The following GPATCH1 variants were observed in gnomAD, a reference collection of about 807,000 sequenced individuals.
The protein encoded by GPATCH1 is G-patch domain containing 1, also known as G patch domain-containing protein 1.
GPATCH1 carries 73 observed loss-of-function variants against 114.9 expected under a neutral mutation model. The ratio of observed to expected loss-of-function variants is 0.64; its 90% CI spans 0.53 to 0.77. The LOEUF is 0.77. Among genes scored for constraint, GPATCH1 ranks in the 30% least tolerant of loss-of-function variants. The pLI is 0.00. For synonymous variants in GPATCH1, 391 were observed against 428.4 expected (o/e 0.91, Z 1.08); for missense variants, 1,058 against 1,144.3 (o/e 0.92, Z 1.09).
intron 1 of GPATCH1, among the ~76,000 whole-genome samples, chr19:33,085,199 C>T (rs912585745): frequency 6.6e-6 from 1 of 152,092 alleles, no homozygotes; most frequent in Non-Finnish European, 1.5e-5. Flanking sequence ...GCTTGCATGG[C>T]AAGGCCCTCA....
intron 17 of GPATCH1, among the ~76,000 whole-genome samples, chr19:33,122,833 G>A (rs184223784): frequency 6.6e-6 from 1 of 151,934 alleles, no homozygotes; most frequent in East Asian, 1.9e-4. Context: ...GGAAAGCTGA[G>A]GTGGGAAAAT....
intron 9 of GPATCH1, among the ~76,000 whole-genome samples, 174 bp from the exon 10 acceptor site, chr19:33,106,521 C>T (rs1408268092): frequency 6.6e-6 from 1 of 152,004 alleles, no homozygotes; most frequent in Non-Finnish European, 1.5e-5. Context: ...CCCTCCAGGT[C>T]CAGAGGGGAT....
At chr19:33,101,968 A>G (rs890244709) in intron 9 of GPATCH1, among the ~76,000 whole-genome samples, 5 of 151,242 alleles carry the variant, frequency 3.3e-5, no homozygotes, top group Admixed American at 6.6e-5. Context: ...GGTGGAGGTT[A>G]CAGTGAGCCA....
chr19:33,108,137 C>T (rs1225690669), intron 10 of GPATCH1, among the ~76,000 whole-genome samples: 2 of 152,088 alleles, frequency 1.3e-5, no homozygotes, highest in African/African-American at 4.8e-5. Flanking sequence ...TCTGCATTTC[C>T]GTGGCCTCCC....
intron 1 of GPATCH1, among the ~76,000 whole-genome samples, chr19:33,087,787 G>A (rs1032030956): frequency 6.6e-6 from 1 of 151,186 alleles, no homozygotes; most frequent in African/African-American, 2.4e-5. Context: ...GGGTTCAAGC[G>A]ATTCTCCTGC....
At chr19:33,121,944 A>G (rs1264814998) in intron 17 of GPATCH1, among the ~76,000 whole-genome samples, 1 of 152,230 alleles carries the variant, frequency 6.6e-6, no homozygotes, top group Non-Finnish European at 1.5e-5. Context: ...TAAAAAGCAG[A>G]GAAAAAAAGT....
At chr19:33,126,293 A>G (rs1305232495) in intron 18 of GPATCH1, among the ~76,000 whole-genome samples, 3 of 152,190 alleles carry the variant, frequency 2.0e-5, no homozygotes, top group East Asian at 3.9e-4. Flanking sequence ...ACCATGCATA[A>G]GATGTGTGGT....
At position 33,124,153 on chromosome 19, in the gene GPATCH1, C is replaced by T. The variant is rs1273331207; in HGVS notation, c.2522-952C>T. Among the ~76,000 whole-genome samples the T allele has an allele frequency of 3.3e-5, 5 of 151,958 alleles. No homozygotes were observed. In the East Asian group the frequency reaches 7.7e-4, roughly 23 times the overall value. ...ACAGGCATGAGCCACCGTTCCTGGC[C>T]GAAACTTTTCTTTAGGTGAAAAAAA... On this transcript the variant is annotated intron_variant, in intron 17 of 19. Coordinates refer to ENST00000170564, the MANE Select transcript of GPATCH1 (RefSeq NM_018025.3).
chr19:33,125,124 G>C lies in GPATCH1; in HGVS notation c.2541G>C (p.Glu847Asp). The change falls in exon 18 of 20, where the codon GAG (glutamate) becomes GAC (aspartate). Residue 847 changes from glutamate (E) to aspartate (D), a missense_variant. Physicochemically the swap from Glu to Asp is conservative, Grantham distance 45 (BLOSUM62 2). This residue lies in a region of GPATCH1 where 893 missense variants were observed against 977.4 expected (regional missense o/e 0.91). Transcript: ENST00000170564. ...VFCPNARQTLEVPQKEKHKKN... is the reference protein window; with the variant it reads ...VFCPNARQTLDVPQKEKHKKN... ...TTTCAGATGCTCGTCAGACACTTGA[G>C]GTTCCTCAAAAAGAGAAACATAAAA... The C allele has an allele frequency of 6.2e-7, 1 of 1,600,230 alleles. No individual in the cohort carries two copies.
chr19:33,113,745 T>G, intron 13 of GPATCH1, 22 bp from the exon 14 acceptor site: 2 of 1,610,630 alleles, frequency 1.2e-6, no homozygotes, highest in Non-Finnish European at 1.7e-6. Context: ...GTTACTAAAA[T>G]GATTCTTTTT....
At chr19:33,104,512 C>T (rs1210507958) in intron 9 of GPATCH1, among the ~76,000 whole-genome samples, 1 of 152,034 alleles carries the variant, frequency 6.6e-6, no homozygotes, top group East Asian at 1.9e-4. Flanking sequence ...GATAAAAAAA[C>T]AGGATTTCTT....
intron 2 of GPATCH1, among the ~76,000 whole-genome samples, chr19:33,088,581 C>G (rs1296392512): frequency 2.6e-5 from 4 of 151,394 alleles, no homozygotes; most frequent in Non-Finnish European, 5.9e-5. Flanking sequence ...AAAGTCTTGA[C>G]CTTGAGTGAT....
chr19:33,096,324 C>T lies in GPATCH1; in HGVS notation c.730C>T (p.His244Tyr), dbSNP rs774901645. Residue 244 changes from histidine to tyrosine, a missense_variant, in exon 7 of 20, where the codon CAC becomes TAC. His to Tyr is a moderately conservative substitution (Grantham distance 83). This residue lies in a region of GPATCH1 where 893 missense variants were observed against 977.4 expected (regional missense o/e 0.91). Coordinates refer to ENST00000170564, the MANE Select transcript of GPATCH1 (RefSeq NM_018025.3). ...HGLAYKGLDP[H>Y]QALFGTSGEH... ...TCTAGCTTACAAGGGCCTGGATCCC[C>T]ACCAGGCACTGTTTGGAACTTCGGG... The T allele has an allele frequency of 1.2e-6, 2 of 1,613,940 alleles. No individual in the cohort carries two copies. The highest frequency in any genetic ancestry group is 4.5e-5 in the East Asian group (2 of 44,890).
intron 1 of GPATCH1, among the ~76,000 whole-genome samples, chr19:33,084,576 C>T (rs575669380): frequency 1.3e-5 from 2 of 152,242 alleles, no homozygotes; most frequent in South Asian, 4.1e-4. Context: ...CTGCACTGTC[C>T]GCCTTTCTGG....
chr19:33,085,330 G>A (rs1057050312), intron 1 of GPATCH1, among the ~76,000 whole-genome samples: 3 of 151,796 alleles, frequency 2.0e-5, no homozygotes, highest in African/African-American at 7.3e-5. Context: ...TCCCAGCTCA[G>A]CACCCCCCAG....
chr19:33,091,511 G>A lies in GPATCH1; in HGVS notation c.294+646G>A, dbSNP rs376029331. 7.2e-5 allele frequency among the ~76,000 whole-genome samples: 11 copies of A among 151,760 alleles called. No homozygotes were observed. The East Asian group carries it at 7.8e-4, about 11-fold the overall frequency. On this transcript the variant is annotated intron_variant, in intron 3 of 19. Coordinates refer to ENST00000170564, the MANE Select transcript of GPATCH1 (RefSeq NM_018025.3). ...TGCAGCTTTCCACAGTAACTCTCAG[G>A]CACACTGCAGTAAAGAACTGTGAGT...
chr19:33,112,729 CA>C, intron 13 of GPATCH1, 116 bp downstream of exon 13: 8 of 697,034 alleles, frequency 1.1e-5, no homozygotes, highest in African/African-American at 1.8e-5. Flanking sequence ...ATTTGCATAT[CA>C]CTGGATATAC....
intron 2 of GPATCH1, among the ~76,000 whole-genome samples, chr19:33,089,620 A>AT (rs538212347): frequency 0.37 from 52,917 of 144,292 alleles, 11,049 homozygotes; most frequent in South Asian, 0.61. Flanking sequence ...ATCTTTTATA[A>AT]TTTTTTTTTT....
intron 1 of GPATCH1, among the ~76,000 whole-genome samples, chr19:33,083,395 TG>T (rs1317940107): frequency 6.6e-6 from 1 of 150,860 alleles, no homozygotes; most frequent in Admixed American, 6.6e-5. Flanking sequence ...ACCATGTTTT[TG>T]TTTTTTTTTT....
Sources: allele counts gnomAD v4.1 joint callset (sites outside exome capture counted in the v4.1 genomes callset), GRCh38; gene constraint gnomAD v4.1.1; regional missense constraint gnomAD v4.1.1; transcripts MANE v1.5; gene names NCBI Gene and HGNC (gene_info 2026-07-23, HGNC 2026-07-21).